TRIM66: variants seen among roughly 807,000 people sequenced by gnomAD.
TRIM66 encodes the protein tripartite motif containing 66, also known as tripartite motif-containing protein 66.
TRIM66 carries 99 observed loss-of-function variants against 148.2 expected under a neutral mutation model. That is an observed-to-expected ratio of 0.67 (90% CI 0.57 to 0.79). The LOEUF is 0.79. TRIM66 is among the 30% of genes least tolerant of loss of function. The pLI, the probability that TRIM66 is intolerant of heterozygous loss-of-function variation, is 0.00. For missense variants in TRIM66, 1,666 were observed against 1,697.9 expected, an observed-to-expected ratio of 0.98 and a Z score of 0.33; for synonymous variants, 616 against 635.9, an observed-to-expected ratio of 0.97 and a Z score of 0.47.
rs936729085 is a variant in TRIM66 at position 8,612,248 on chromosome 11, A to C, written c.*5696T>G. On this transcript the variant is annotated 3_prime_UTR_variant, in exon 25 of 25. Coordinates refer to ENST00000646038, the MANE Select transcript of TRIM66 (RefSeq NM_001388022.1). ...ATGGGCATATGGCTCAGGAAGCAGC[A>C]CCAGCTGATAAGAACTTTCCCCAAA... 1.3e-5 allele frequency: 2 copies of C among 152,170 alleles called. No individual in the cohort carries two copies. Among genetic ancestry groups the C allele is most frequent in the Non-Finnish European group, 2.9e-5 (2 of 68,066 alleles). 9.4% of individuals were successfully genotyped at this position (152,170 alleles called of 1,614,324 possible).
intron 15 of TRIM66, among the ~76,000 whole-genome samples, chr11:8,634,508 T>C (rs1452734748): frequency 3.3e-5 from 5 of 152,214 alleles, no homozygotes; most frequent in African/African-American, 1.2e-4. Context: ...TTTTCGGCAG[T>C]TGACTGGTTC....
At chr11:8,627,048 G>C (rs1406452884) in intron 15 of TRIM66, among the ~76,000 whole-genome samples, 1 of 152,188 alleles carries the variant, frequency 6.6e-6, no homozygotes, top group East Asian at 1.9e-4. Context: ...GTCCAGACTA[G>C]GTTCCTGCTT....
chr11:8,648,351 G>C, intron 9 of TRIM66, 65 bp downstream of exon 9: 1 of 1,528,316 alleles, frequency 6.5e-7, no homozygotes, highest in Non-Finnish European at 8.8e-7. Context: ...GGGATTCCCA[G>C]AGCTCTCACA....
intron 6 of TRIM66, 28 bp from the exon 7 acceptor site, chr11:8,651,931 C>A: frequency 6.5e-7 from 1 of 1,529,548 alleles, no homozygotes. Flanking sequence ...ATAGCAGAGT[C>A]AGGGCAACAT....
At position 8,647,992 on chromosome 11, in the gene TRIM66, A is replaced by T; in HGVS notation, c.820T>A (p.Ser274Thr). Residue 274 changes from serine to threonine, a missense_variant, in exon 10 of 25, where the codon TCT (serine) becomes ACT (threonine). Ser to Thr is a moderately conservative substitution (Grantham distance 58, BLOSUM62 1). Around this residue, in one of 3 missense-constraint regions of TRIM66, gnomAD observed 1,431 missense variants for 1,412.4 expected, o/e 1.01. Coordinates refer to ENST00000646038, the MANE Select transcript of TRIM66 (RefSeq NM_001388022.1). ...TACCTGTCCTCAATTTGCTTTGCAG[A>T]TGTCTGTAGACTGGATTTCTTATGT... ...VAHKKSSLQT[S>T]AKQIEDRIFE... 5.2e-6 allele frequency: 8 copies of T among 1,551,846 alleles called. No homozygotes were observed. The highest frequency in any genetic ancestry group is 6.1e-6 in the Non-Finnish European group (7 of 1,146,998).
chr11:8,680,366 A>T (rs2039353674), intron 1 of TRIM66, among the ~76,000 whole-genome samples: 1 of 152,184 alleles, frequency 6.6e-6, no homozygotes, highest in African/African-American at 2.4e-5. Context: ...AGGATACAGA[A>T]ATTGGAGGAG....
chr11:8,613,281 T>C lies in TRIM66; in HGVS notation c.*4663A>G, dbSNP rs2033512411. ...AGAGGAGAGAATCCAGAGACTTGTT[T>C]TTCTGGATTCTCTGAGAATCCAGAG... On this transcript the variant is annotated 3_prime_UTR_variant, in exon 25 of 25. Transcript: ENST00000646038. 6.6e-6 allele frequency: 1 copy of C among 152,088 alleles called. No individual in the cohort carries two copies. Among genetic ancestry groups the C allele is most frequent in the Admixed American group, 6.5e-5 (1 of 15,268 alleles). 9.4% of individuals were successfully genotyped at this position (152,088 alleles called of 1,614,324 possible). A position where few individuals can be genotyped will look rare whatever the true frequency, so the allele number is the denominator to read the frequency against.
At chr11:8,643,400 C>T (rs576298617) in intron 12 of TRIM66, among the ~76,000 whole-genome samples, 7 of 150,564 alleles carry the variant, frequency 4.6e-5, no homozygotes, top group African/African-American at 1.2e-4. Flanking sequence ...AGTGCAGTGG[C>T]GCGATCTTAG....
At chr11:8,679,301 A>T (rs2039313977) in intron 3 of TRIM66, 1 of 152,238 alleles carries the variant, frequency 6.6e-6, no homozygotes, top group Non-Finnish European at 1.5e-5. Flanking sequence ...AGCTGGATAG[A>T]AAACTGGATT....
intron 4 of TRIM66, among the ~76,000 whole-genome samples, chr11:8,673,091 C>G (rs1357544057): frequency 6.6e-6 from 1 of 151,310 alleles, no homozygotes; most frequent in Admixed American, 6.6e-5. Context: ...AGGCACCCAC[C>G]ACCGCCCTGG....
At chr11:8,650,463 A>T (rs1423423341) in intron 7 of TRIM66, among the ~76,000 whole-genome samples, 1 of 137,502 alleles carries the variant, frequency 7.3e-6, no homozygotes, top group East Asian at 2.6e-4. Flanking sequence ...CAGAAGGAAA[A>T]GGAGGAAGGG....
At position 8,638,726 on chromosome 11, in the gene TRIM66, C is replaced by T. The variant is rs1389208277; in HGVS notation, c.2238G>A (p.Gly746=). The T allele has an allele frequency of 1.0e-5, 16 of 1,549,708 alleles. No homozygotes were observed. The highest frequency in any genetic ancestry group is 1.4e-5 in the Non-Finnish European group (16 of 1,146,238). ...GGGGGACACTGAGAGGGGTTTCTTC[C>T]CCAGACGCCTGGGGCAAGGCAGCAG... ...NTAAALPQAS[G]EETPLSVPPV... The change falls in exon 15 of 25, where the codon GGG becomes GGA. Residue 746 remains glycine (G), a synonymous_variant. Transcript: ENST00000646038.
chr11:8,635,391 T>C (rs1357016979), intron 15 of TRIM66, among the ~76,000 whole-genome samples: 2 of 152,206 alleles, frequency 1.3e-5, no homozygotes, highest in Non-Finnish European at 2.9e-5. Flanking sequence ...CACTCAATGG[T>C]AAAAGGCTCA....
intron 4 of TRIM66, among the ~76,000 whole-genome samples, chr11:8,673,774 G>T (rs759321057): frequency 6.6e-6 from 1 of 152,190 alleles, no homozygotes; most frequent in Non-Finnish European, 1.5e-5. Context: ...AAAAGCCAAA[G>T]GAAGTTGTAG....
intron 17 of TRIM66, among the ~76,000 whole-genome samples, chr11:8,624,120 A>G (rs777406130): frequency 6.6e-6 from 1 of 152,096 alleles, no homozygotes; most frequent in Non-Finnish European, 1.5e-5. Flanking sequence ...GACTCTTTGC[A>G]TGGGGAGTGT....
chr11:8,644,438 C>T (rs113320325), intron 12 of TRIM66: 1 of 451,680 alleles, frequency 2.2e-6, no homozygotes, highest in African/African-American at 2.0e-5. Flanking sequence ...TCCTATTTCA[C>T]AGAGAAAAAA....
In TRIM66 at chr11:8,613,491, T is replaced by C. The variant is rs2033524563; in HGVS notation, c.*4453A>G. ...GGGCTGAAGAACAGCTGAGGAAGAATCAGTTTAAAAAGGATCTTTTTAAAA... is the reference window on the plus strand; with the variant it reads ...GGGCTGAAGAACAGCTGAGGAAGAACCAGTTTAAAAAGGATCTTTTTAAAA... On this transcript the variant is annotated 3_prime_UTR_variant, in exon 25 of 25. Transcript: ENST00000646038. 1 of 152,122 alleles carries C rather than the reference T, an allele frequency of 6.6e-6. No homozygotes were observed. The allele number at this position is 152,122 out of a possible 1,614,324, so 9.4% of individuals were successfully genotyped here.
chr11:8,624,083 C>T (rs2034569237), intron 17 of TRIM66, among the ~76,000 whole-genome samples: 1 of 152,142 alleles, frequency 6.6e-6, no homozygotes, highest in Non-Finnish European at 1.5e-5. Flanking sequence ...AGTTCTGTTT[C>T]CCCCTAGGTA....
In TRIM66 at chr11:8,622,830, C is replaced by G; in HGVS notation, c.3066G>C (p.Glu1022Asp). ...EQGALELDAK[E>D]NQSIRAFNSE... ...AAGGCTGTTACCTGATGCTCTGGTT[C>G]TCTTTTGCATCCAGCTCTAGGGCTC... Residue 1022 changes from glutamate (E) to aspartate (D), a missense_variant, in exon 18 of 25, where the codon GAG becomes GAC. By Grantham distance (45) the Glu-to-Asp change is conservative. Around this residue, in one of 3 missense-constraint regions of TRIM66, gnomAD observed 1,431 missense variants for 1,412.4 expected, o/e 1.01. Coordinates refer to ENST00000646038, the MANE Select transcript of TRIM66 (RefSeq NM_001388022.1). 2.6e-6 allele frequency: 4 copies of G among 1,551,956 alleles called. No individual in the cohort carries two copies. In the African/African-American group the frequency reaches 5.5e-5, roughly 21 times the overall value.
Sources: allele counts gnomAD v4.1 joint callset (sites outside exome capture counted in the v4.1 genomes callset), GRCh38; gene constraint gnomAD v4.1.1; regional missense constraint gnomAD v4.1.1; transcripts MANE v1.5; gene names NCBI Gene and HGNC (gene_info 2026-07-23, HGNC 2026-07-21).